NXPE3: variants seen among roughly 807,000 people sequenced by gnomAD.
NXPE3 encodes neurexophilin and PC-esterase domain family member 3, also known as NXPE family member 3.
A neutral mutation model predicts 46.1 loss-of-function variants in NXPE3; 26 were observed. That is an observed-to-expected ratio of 0.56 (90% CI 0.41 to 0.78). NXPE3 has a LOEUF of 0.78. NXPE3 is among the 30% of genes least tolerant of loss of function. The pLI, the probability that NXPE3 is intolerant of heterozygous loss-of-function variation, is 0.00. For missense variants in NXPE3, 620 were observed against 686.0 expected (o/e 0.90, Z 1.07); for synonymous variants, 272 against 257.9 (o/e 1.05, Z -0.52).
rs1940098053 is a variant in NXPE3 at position 101,785,421 on chromosome 3, G to A, written c.-176G>A. 3.4e-6 allele frequency: 2 copies of A among 581,628 alleles called. No individual in the cohort carries two copies. The highest frequency in any genetic ancestry group is 2.9e-5 in the Admixed American group (1 of 33,964). The allele number at this position is 581,628 out of a possible 1,614,324, so 36.0% of individuals were successfully genotyped here. A position where few individuals can be genotyped will look rare whatever the true frequency, so the allele number is the denominator to read the frequency against. On this transcript the variant is annotated 5_prime_UTR_variant, in exon 4 of 8. It adds an upstream start codon to the 5' untranslated region. Transcript: ENST00000273347. ...TTGAAGGATTTCTTTGAAGAAAAAT[G>A]TGCTTCTTGAATCAACTGCAGTCTC...
chr3:101,783,211 G>A (rs767939714), intron 3 of NXPE3, among the ~76,000 whole-genome samples: 3 of 151,986 alleles, frequency 2.0e-5, no homozygotes, highest in African/African-American at 4.8e-5. Flanking sequence ...ACAGGCACCC[G>A]CCACCACGCC....
At chr3:101,818,715 T>TTATATATATATATATATATATATATATA (rs61602305) in intron 7 of NXPE3, among the ~76,000 whole-genome samples, 1 of 38,044 alleles carries the variant, frequency 2.6e-5, no homozygotes, top group Non-Finnish European at 4.3e-5. Flanking sequence ...ATATGACAAT[T>TTATATATATATATATATATATATATATA]TATATATATA....
intron 6 of NXPE3, among the ~76,000 whole-genome samples, chr3:101,813,452 T>C (rs1182847982): frequency 6.6e-6 from 1 of 152,244 alleles, no homozygotes. Context: ...TCTTTCGTTT[T>C]GTTCCATCTT....
intron 6 of NXPE3, among the ~76,000 whole-genome samples, chr3:101,812,124 T>G (rs920724667): frequency 6.6e-6 from 1 of 152,192 alleles, no homozygotes; most frequent in African/African-American, 2.4e-5. Context: ...ACGAAACTAG[T>G]CATTTTGTGG....
chr3:101,801,273 C>G lies in NXPE3; in HGVS notation c.132C>G (p.Asp44Glu). The G allele has an allele frequency of 6.2e-7, 1 of 1,613,588 alleles. No individual in the cohort carries two copies. The highest frequency in any genetic ancestry group is 8.5e-7 in the Non-Finnish European group (1 of 1,179,728). The change falls in exon 5 of 8, where the codon GAC becomes GAG. Residue 44 changes from aspartate to glutamate, a missense_variant. Around this residue, in one of 3 missense-constraint regions of NXPE3, gnomAD observed 511 missense variants for 528.6 expected, o/e 0.97. Coordinates refer to ENST00000273347, the MANE Select transcript of NXPE3 (RefSeq NM_145037.4). Reference sequence around the variant, plus strand: ...AGACTGTTTCAGCCACTTTCATCGACAGCAGTGGACAGTTTGTTTCCTCCC... The same window carrying G: ...AGACTGTTTCAGCCACTTTCATCGAGAGCAGTGGACAGTTTGTTTCCTCCC... ...DHETVSATFI[D>E]SSGQFVSSQV...
Position 101,823,274 on chromosome 3 carries a change from TAATTTAAA to T in NXPE3, c.*1322_*1329del, listed in dbSNP as rs1942338148. The T allele has an allele frequency of 6.6e-6, 1 of 152,134 alleles. No homozygotes were observed. Among genetic ancestry groups the T allele is most frequent in the African/African-American group, 2.4e-5 (1 of 41,414 alleles). The allele number at this position is 152,134 out of a possible 1,614,324, so 9.4% of individuals were successfully genotyped here. On this transcript the variant is annotated 3_prime_UTR_variant, in exon 8 of 8. Coordinates refer to ENST00000273347, the MANE Select transcript of NXPE3 (RefSeq NM_145037.4). ...GAATGGGTCAAATAATTTGGGTTTT[TAATTTAAA>T]ATAGGAGGGCCCCAGATCTTACTTT...
chr3:101,818,073 T>C (rs998117288), intron 7 of NXPE3, among the ~76,000 whole-genome samples: 2 of 152,002 alleles, frequency 1.3e-5, no homozygotes, highest in Non-Finnish European at 2.9e-5. Flanking sequence ...TTGTATTTTT[T>C]GTAGAGACAT....
chr3:101,816,100 G>T (rs150668715), intron 6 of NXPE3, among the ~76,000 whole-genome samples: 9,218 of 152,110 alleles, frequency 0.061, 410 homozygotes, highest in Non-Finnish European at 0.095. Context: ...GGAGGCGGAG[G>T]TTGCAGTGAG....
At chr3:101,785,821 T>C in intron 4 of NXPE3, 132 bp downstream of exon 4, 1 of 723,878 alleles carries the variant, frequency 1.4e-6, no homozygotes, top group Non-Finnish European at 2.5e-6. Context: ...ATTCGGTAAG[T>C]ATTTGCGTGC....
intron 4 of NXPE3, among the ~76,000 whole-genome samples, chr3:101,792,303 T>C (rs1940564645): frequency 6.6e-6 from 1 of 152,212 alleles, no homozygotes; most frequent in Admixed American, 6.5e-5. Context: ...TTTGTTGCAA[T>C]TGCTTTTGGT....
At chr3:101,783,464 CAG>C (rs1939953920) in intron 3 of NXPE3, among the ~76,000 whole-genome samples, 2 of 152,240 alleles carry the variant, frequency 1.3e-5, no homozygotes, top group Admixed American at 1.3e-4. Context: ...ACTTACAGCA[CAG>C]AGTCAGGTCT....
chr3:101,802,860 A>T (rs1941232288), intron 5 of NXPE3, among the ~76,000 whole-genome samples: 1 of 150,962 alleles, frequency 6.6e-6, no homozygotes, highest in African/African-American at 2.5e-5. Flanking sequence ...GAAATAAAAA[A>T]TTATAAAAGC....
intron 5 of NXPE3, among the ~76,000 whole-genome samples, chr3:101,802,308 T>C (rs761292560): frequency 2.6e-5 from 4 of 151,850 alleles, no homozygotes; most frequent in African/African-American, 4.8e-5. Context: ...AAATCCCTTA[T>C]TCACAGAACA....
Position 101,826,604 on chromosome 3 carries a change from G to A in NXPE3, c.*4650G>A, listed in dbSNP as rs1355477203. ...CTAAGGGGACCTGGGAATCCTAGGG[G>A]AATGGAGGTGGTGGACGATAAGAGG... On this transcript the variant is annotated 3_prime_UTR_variant, in exon 8 of 8. Coordinates refer to ENST00000273347, the MANE Select transcript of NXPE3 (RefSeq NM_145037.4). The A allele has an allele frequency of 6.6e-6, 1 of 152,194 alleles. No homozygotes were observed. The highest frequency in any genetic ancestry group is 2.4e-5 in the African/African-American group (1 of 41,420). The allele number at this position is 152,194 out of a possible 1,614,324, so 9.4% of individuals were successfully genotyped here.
Position 101,794,423 on chromosome 3 carries a change from A to G in NXPE3, c.94-6812A>G, listed in dbSNP as rs72937642. Among the ~76,000 whole-genome samples, 477 of 152,332 alleles carry G rather than the reference A, an allele frequency of 3.1e-3. 2 individuals are homozygous for G. The highest frequency in any genetic ancestry group is 0.011 in the African/African-American group (444 of 41,582). ...ATGCAGATACATTTGCTTAGAGGGT[A>G]GGACATTCAGGGAGTTTCTGGCTGT... On this transcript the variant is annotated intron_variant, in intron 4 of 7. Coordinates refer to ENST00000273347, the MANE Select transcript of NXPE3 (RefSeq NM_145037.4).
At chr3:101,804,959 T>C (rs1941341705) in intron 5 of NXPE3, among the ~76,000 whole-genome samples, 1 of 152,234 alleles carries the variant, frequency 6.6e-6, no homozygotes, top group African/African-American at 2.4e-5. Context: ...TTTAAAAAAT[T>C]GAATCTTTAG....
chr3:101,789,420 C>T (rs1940376074), intron 4 of NXPE3, among the ~76,000 whole-genome samples: 1 of 152,036 alleles, frequency 6.6e-6, no homozygotes, highest in Admixed American at 6.6e-5. Flanking sequence ...GTGGTGTGTG[C>T]CTGTTGTCCT....
intron 5 of NXPE3, among the ~76,000 whole-genome samples, chr3:101,804,861 G>C (rs145892252): frequency 6.6e-6 from 1 of 152,138 alleles, no homozygotes; most frequent in East Asian, 1.9e-4. Flanking sequence ...TAATATAAGG[G>C]AAGGCCTTTT....
At chr3:101,800,937 T>G (rs1366271789) in intron 4 of NXPE3, among the ~76,000 whole-genome samples, 1 of 152,190 alleles carries the variant, frequency 6.6e-6, no homozygotes, top group Non-Finnish European at 1.5e-5. Context: ...GATATTTCCC[T>G]TCTCTCAAGT....
Sources: allele counts gnomAD v4.1 joint callset (sites outside exome capture counted in the v4.1 genomes callset), GRCh38; gene constraint gnomAD v4.1.1; regional missense constraint gnomAD v4.1.1; transcripts MANE v1.5; gene names NCBI Gene and HGNC (gene_info 2026-07-23, HGNC 2026-07-21).